GALNT13: variants seen among roughly 807,000 people sequenced by gnomAD.
The protein encoded by GALNT13 is UDP-GalNAc:polypeptide N-acetylgalactosaminyltransferase 13.
In GALNT13, 28 loss-of-function variants were observed where a neutral mutation model predicts 64.2. The ratio of observed to expected loss-of-function variants is 0.44; its 90% CI spans 0.32 to 0.60. GALNT13 has a LOEUF of 0.60. Among genes scored for constraint, GALNT13 ranks in the 20% least tolerant of loss-of-function variants. The pLI is 0.05. For missense variants in GALNT13, 577 were observed against 669.8 expected (o/e 0.86, Z 1.53); for synonymous variants, 214 against 224.6 (o/e 0.95, Z 0.42).
At chr2:153,961,455 CG>C (rs1692938016) in intron 3 of GALNT13, among the ~76,000 whole-genome samples, 1 of 149,230 alleles carries the variant, frequency 6.7e-6, no homozygotes, top group African/African-American at 2.5e-5. Flanking sequence ...TTTTCATTCA[CG>C]TTTATATAAG....
the GALNT13 span, among the ~76,000 whole-genome samples, chr2:153,596,279 T>C: frequency 6.6e-6 from 1 of 152,168 alleles, no homozygotes; most frequent in African/African-American, 2.4e-5. Context: ...TTTTGTTACA[T>C]TCTTTTGATG....
chr2:153,110,717 C>T, the GALNT13 span, among the ~76,000 whole-genome samples: 1 of 152,066 alleles, frequency 6.6e-6, no homozygotes, highest in Non-Finnish European at 1.5e-5. Flanking sequence ...GCGATTATAA[C>T]TGAGGGGGTG....
chr2:153,619,891 C>A, the GALNT13 span, among the ~76,000 whole-genome samples: 5 of 152,004 alleles, frequency 3.3e-5, no homozygotes, highest in East Asian at 9.7e-4. Context: ...AATAGTTGAT[C>A]TTTGGGAGTT....
chr2:154,136,577 A>G (rs1284534157), intron 3 of GALNT13, among the ~76,000 whole-genome samples: 1 of 152,146 alleles, frequency 6.6e-6, no homozygotes, highest in Non-Finnish European at 1.5e-5. Flanking sequence ...TGTTTTGTTT[A>G]TAATATGATC....
At chr2:153,218,254 T>C in the GALNT13 span, among the ~76,000 whole-genome samples, 1 of 152,188 alleles carries the variant, frequency 6.6e-6, no homozygotes, top group Non-Finnish European at 1.5e-5. Context: ...GTCTTCCTGT[T>C]GGTGTGAATG....
the GALNT13 span, among the ~76,000 whole-genome samples, chr2:153,560,604 TTGAGA>T: frequency 6.6e-6 from 1 of 152,104 alleles, no homozygotes; most frequent in African/African-American, 2.4e-5. Flanking sequence ...CTCCACTGAT[TTGAGA>T]TGACACTTTT....
the GALNT13 span, among the ~76,000 whole-genome samples, chr2:153,073,272 T>A: frequency 6.6e-6 from 1 of 152,126 alleles, no homozygotes; most frequent in Admixed American, 6.6e-5. Context: ...TTTCATTGCA[T>A]CTAGCAGATT....
chr2:154,429,946 G>A (rs1700639581), intron 11 of GALNT13, among the ~76,000 whole-genome samples: 1 of 152,160 alleles, frequency 6.6e-6, no homozygotes, highest in Admixed American at 6.5e-5. Flanking sequence ...GCAACATGGT[G>A]TACTAAATAT....
chr2:153,508,969 G>C, the GALNT13 span, among the ~76,000 whole-genome samples: 1 of 152,178 alleles, frequency 6.6e-6, no homozygotes, highest in Non-Finnish European at 1.5e-5. Flanking sequence ...TCCTGCGAAG[G>C]TGAAACAGAC....
At chr2:153,672,000 A>T in the GALNT13 span, among the ~76,000 whole-genome samples, 1 of 152,212 alleles carries the variant, frequency 6.6e-6, no homozygotes, top group African/African-American at 2.4e-5. Flanking sequence ...AAAAAGAGTT[A>T]ACTATCCTAA....
intron 1 of GALNT13, among the ~76,000 whole-genome samples, chr2:153,888,563 G>T (rs188270377): frequency 4.6e-5 from 7 of 151,970 alleles, no homozygotes; most frequent in Admixed American, 1.3e-4. Flanking sequence ...TTTCCTTAGT[G>T]CTCCTGTTTC....
the GALNT13 span, among the ~76,000 whole-genome samples, chr2:153,409,924 T>C: frequency 6.6e-6 from 1 of 152,192 alleles, no homozygotes; most frequent in Non-Finnish European, 1.5e-5. Context: ...TATATCTTGG[T>C]AAAAGTTGTG....
the GALNT13 span, chr2:153,187,470 AT>A: frequency 6.6e-6 from 1 of 152,134 alleles, no homozygotes; most frequent in Non-Finnish European, 1.5e-5. Flanking sequence ...TACAGTTTTT[AT>A]TTTGTTCTAT....
intron 10 of GALNT13, among the ~76,000 whole-genome samples, chr2:154,405,329 A>T (rs530434117): frequency 6.6e-6 from 1 of 152,268 alleles, no homozygotes; most frequent in East Asian, 1.9e-4. Context: ...AAAAAGGAGC[A>T]ACTAAAAATA....
At chr2:154,288,279 A>C (rs1692393349) in intron 8 of GALNT13, among the ~76,000 whole-genome samples, 1 of 151,984 alleles carries the variant, frequency 6.6e-6, no homozygotes. Flanking sequence ...CTCCCACCAG[A>C]TTCCTCCCAC....
chr2:153,546,787 G>T, the GALNT13 span, among the ~76,000 whole-genome samples: 1 of 152,110 alleles, frequency 6.6e-6, no homozygotes, highest in Admixed American at 6.5e-5. Context: ...TACTTTTGTT[G>T]TATTAAAGAA....
At chr2:154,090,188 A>C (rs1343027348) in intron 3 of GALNT13, among the ~76,000 whole-genome samples, 1 of 152,106 alleles carries the variant, frequency 6.6e-6, no homozygotes, top group Non-Finnish European at 1.5e-5. Context: ...TACTCCTTTG[A>C]AGAAATCAAA....
the GALNT13 span, among the ~76,000 whole-genome samples, chr2:153,380,926 G>A: frequency 6.6e-6 from 1 of 151,762 alleles, no homozygotes; most frequent in African/African-American, 2.4e-5. Context: ...TTTTTTGTGT[G>A]TTTCCTGTTT....
At chr2:154,345,523 A>T (rs2105237591) in intron 9 of GALNT13, among the ~76,000 whole-genome samples, 1 of 152,176 alleles carries the variant, frequency 6.6e-6, no homozygotes, top group South Asian at 2.1e-4. Context: ...TTGATTAAAG[A>T]ACTGAGTTTT....
Sources: gnomAD v4.1 joint callset for allele counts (sites outside exome capture counted in the v4.1 genomes callset) on GRCh38, gnomAD v4.1.1 for gene constraint, MANE v1.5 for transcripts, NCBI Gene and HGNC (gene_info 2026-07-23, HGNC 2026-07-21) for gene names.